The following CHPT1 variants were observed in gnomAD, a reference collection of about 807,000 sequenced individuals.
CHPT1 encodes choline phosphotransferase 1, also known as cholinephosphotransferase 1.
CHPT1 carries 36 observed loss-of-function variants against 47.6 expected under a neutral mutation model. That is an observed-to-expected ratio of 0.76 (90% CI 0.58 to 1.00). The LOEUF (loss-of-function observed/expected upper bound fraction) is 1.00. CHPT1 is among the 50% of genes least tolerant of loss of function. The probability of loss-of-function intolerance (pLI) is 0.00; values close to 1 mark genes in which losing one functional copy is unlikely to be tolerated. For synonymous variants in CHPT1, 194 were observed against 186.3 expected, an observed-to-expected ratio of 1.04 and a Z score of -0.33; for missense variants, 458 against 498.1, an observed-to-expected ratio of 0.92 and a Z score of 0.77.
At chr12:101,711,588 A>T (rs973851818) in intron 1 of CHPT1, among the ~76,000 whole-genome samples, 1 of 148,428 alleles carries the variant, frequency 6.7e-6, no homozygotes, top group Non-Finnish European at 1.5e-5. Context: ...TTGCAAGATG[A>T]GCAGGTCTAG....
rs1245124450 is a variant in CHPT1 at position 101,720,185 on chromosome 12, A to G, written c.711A>G (p.Ile237Met). The part of the protein sequence containing the change: ...LPVLGFLGGV[I>M]FSCSNYFHVI... ...TTCTTGGATTTCTAGGTGGAGTAAT[A>G]TTTTCCTGTTCAAATTATTTCCATG... Residue 237 changes from isoleucine (I) to methionine (M), a missense_variant, in exon 5 of 9, where the codon ATA becomes ATG. By Grantham distance (10) the Ile-to-Met change is conservative. Transcript: ENST00000229266. 4.4e-6 allele frequency: 7 copies of G among 1,603,976 alleles called. No individual in the cohort carries two copies. The Admixed American group carries it at 6.8e-5, about 16-fold the overall frequency.
Position 101,714,486 on chromosome 12 carries a change from A to T in CHPT1, c.422-18A>T, listed in dbSNP as rs117690885. 0.023 allele frequency: 36,271 copies of T among 1,583,834 alleles called. 542 individuals are homozygous for T. The highest frequency in any genetic ancestry group is 0.027 in the Non-Finnish European group (31,941 of 1,168,608). Reference sequence around the variant, plus strand: ...TTATTTTTAATTCTTAATGATTCTTAAACTTTGTTTCTTTCAGTATTTATG... The same window carrying T: ...TTATTTTTAATTCTTAATGATTCTTTAACTTTGTTTCTTTCAGTATTTATG... On this transcript the variant is annotated intron_variant, in intron 2 of 8. Coordinates refer to ENST00000229266, the MANE Select transcript of CHPT1 (RefSeq NM_020244.3).
rs995184310 is a variant in CHPT1 at position 101,714,815 on chromosome 12, G to T, written c.563+170G>T. The T allele has an allele frequency of 1.7e-4, 78 of 466,372 alleles. 1 individual carries two copies. In the Middle Eastern group the frequency reaches 2.3e-3, roughly 14 times the overall value. 28.9% of individuals were successfully genotyped at this position (466,372 alleles called of 1,614,324 possible). A position where few individuals can be genotyped will look rare whatever the true frequency, so the allele number is the denominator to read the frequency against. ...CTTAAGTCTTTTAGGTACTCTGCAT[G>T]TTATAAATAGTTACATTATTTGATA... On this transcript the variant is annotated intron_variant, in intron 3 of 8. Coordinates refer to ENST00000229266, the MANE Select transcript of CHPT1 (RefSeq NM_020244.3).
intron 7 of CHPT1, among the ~76,000 whole-genome samples, chr12:101,726,066 C>T (rs1312216948): frequency 6.6e-6 from 1 of 152,002 alleles, no homozygotes; most frequent in East Asian, 1.9e-4. Context: ...GTATTTTAGT[C>T]GTCTTTTTTA....
Position 101,714,597 on chromosome 12 carries a change from A to C in CHPT1, c.515A>C (p.Tyr172Ser). The C allele has an allele frequency of 6.2e-7, 1 of 1,611,410 alleles. No homozygotes were observed. The highest frequency in any genetic ancestry group is 8.5e-7 in the Non-Finnish European group (1 of 1,178,922). Reference sequence around the variant, plus strand: ...TCTTTTATTGGGATGTTTGTGTTTTATTGCGCTCATTGGCAGACTTATGTT... The same window carrying C: ...TCTTTTATTGGGATGTTTGTGTTTTCTTGCGCTCATTGGCAGACTTATGTT... The part of the protein sequence containing the change: ...FCSFIGMFVF[Y>S]CAHWQTYVSG... The change falls in exon 3 of 9, where the codon TAT (tyrosine) becomes TCT (serine). Residue 172 changes from tyrosine (Y) to serine (S), a missense_variant. Physicochemically the swap from Tyr to Ser is moderately radical, Grantham distance 144 (BLOSUM62 -2). Coordinates refer to ENST00000229266, the MANE Select transcript of CHPT1 (RefSeq NM_020244.3).
intron 1 of CHPT1, among the ~76,000 whole-genome samples, chr12:101,703,254 T>G (rs1489316360): frequency 6.6e-6 from 1 of 152,168 alleles, no homozygotes; most frequent in Non-Finnish European, 1.5e-5. Flanking sequence ...GGGAATTCTC[T>G]TCACACCCCT....
At chr12:101,717,156 C>A in intron 4 of CHPT1, 3 of 370,246 alleles carry the variant, frequency 8.1e-6, no homozygotes, top group African/African-American at 2.1e-5. Context: ...AAAAATAAAT[C>A]CAGTAAAATG....
rs1951733157 is a variant in CHPT1, at chr12:101,714,257, TATTTTTTTATGATACCTTA to T, written c.421+22_421+40del. On this transcript the variant is annotated intron_variant, in intron 2 of 8. Coordinates refer to ENST00000229266, the MANE Select transcript of CHPT1 (RefSeq NM_020244.3). ...CCACAGGTAAATTAGTGGAGTTTTT[TATTTTTTTATGATACCTTA>T]AAAATAAAATGAACTGAGCTGTTTG... The T allele has an allele frequency of 6.5e-7, 1 of 1,541,622 alleles. No individual in the cohort carries two copies. Among genetic ancestry groups the T allele is most frequent in the Non-Finnish European group, 8.7e-7 (1 of 1,149,410 alleles).
At chr12:101,716,415 C>A (rs1377681470) in intron 3 of CHPT1, among the ~76,000 whole-genome samples, 1 of 152,106 alleles carries the variant, frequency 6.6e-6, no homozygotes, top group East Asian at 1.9e-4. Flanking sequence ...GAAAAAACTT[C>A]AGACTTTACA....
chr12:101,718,419 A>T (rs1951796590), intron 4 of CHPT1, among the ~76,000 whole-genome samples: 1 of 152,166 alleles, frequency 6.6e-6, no homozygotes, highest in Non-Finnish European at 1.5e-5. Flanking sequence ...CTAAAAAATT[A>T]AGTCCATTAA....
intron 8 of CHPT1, 24 bp downstream of exon 8, chr12:101,726,428 AAT>A (rs1257062359): frequency 1.3e-6 from 2 of 1,593,982 alleles, no homozygotes; most frequent in South Asian, 2.2e-5. Context: ...TTGACTGACT[AAT>A]AGCCCAAGGA....
intron 1 of CHPT1, among the ~76,000 whole-genome samples, chr12:101,704,676 C>T (rs1386893419): frequency 2.1e-5 from 3 of 140,798 alleles, no homozygotes; most frequent in South Asian, 2.4e-4. Flanking sequence ...GCTGGGATTA[C>T]AGGCATGAGC....
chr12:101,717,182 T>C lies in CHPT1; in HGVS notation c.648+370T>C, dbSNP rs1951776747. On this transcript the variant is annotated intron_variant, in intron 4 of 8. Coordinates refer to ENST00000229266, the MANE Select transcript of CHPT1 (RefSeq NM_020244.3). Reference sequence around the variant, plus strand: ...CAGTAAAATGTTTTACATTTAAAACTTGTCACTCAATATTAGGAAAGTAGT... The same window carrying C: ...CAGTAAAATGTTTTACATTTAAAACCTGTCACTCAATATTAGGAAAGTAGT... 2.9e-5 allele frequency: 12 copies of C among 410,670 alleles called. 1 individual carries two copies. Among genetic ancestry groups the C allele is most frequent in the South Asian group, 2.2e-4 (12 of 55,286 alleles). 25.4% of individuals were successfully genotyped at this position (410,670 alleles called of 1,614,324 possible).
intron 8 of CHPT1, 110 bp from the exon 9 acceptor site, chr12:101,728,791 G>A: frequency 8.0e-7 from 1 of 1,243,730 alleles, no homozygotes; most frequent in Middle Eastern, 2.7e-4. Flanking sequence ...TAACAGAAAG[G>A]GAGGTCTTAC....
rs762152223 is a variant in CHPT1, at chr12:101,726,352, G to A, written c.1124G>A (p.Arg375Lys). 3.7e-6 allele frequency: 6 copies of A among 1,613,170 alleles called. No individual in the cohort carries two copies. In the South Asian group the frequency reaches 5.5e-5, roughly 15 times the overall value. Reference protein sequence around the residue: ...YFSALCLQISRHLHLNIFKTA... With the variant: ...YFSALCLQISKHLHLNIFKTA... Reference sequence around the variant, plus strand: ...AGTGCTTTGTGCCTGCAAATTTCAAGACACCTTCATCTAAATATATTCAAG... The same window carrying A: ...AGTGCTTTGTGCCTGCAAATTTCAAAACACCTTCATCTAAATATATTCAAG... The change falls in exon 8 of 9, where the codon AGA becomes AAA. Residue 375 changes from arginine (R) to lysine (K), a missense_variant. By Grantham distance (26) the Arg-to-Lys change is conservative. Transcript: ENST00000229266.
chr12:101,699,377 TATG>T (rs1951516846), intron 1 of CHPT1, among the ~76,000 whole-genome samples: 2 of 143,096 alleles, frequency 1.4e-5, no homozygotes, highest in African/African-American at 5.3e-5. Flanking sequence ...GTATGCTTAT[TATG>T]TATTTCTTTT....
intron 1 of CHPT1, among the ~76,000 whole-genome samples, chr12:101,708,272 A>G (rs2137007146): frequency 6.6e-6 from 1 of 152,314 alleles, no homozygotes; most frequent in South Asian, 2.1e-4. Context: ...AATTTCCCAA[A>G]TATGTATTTT....
chr12:101,703,993 A>C (rs1159754948), intron 1 of CHPT1, among the ~76,000 whole-genome samples: 3 of 152,240 alleles, frequency 2.0e-5, no homozygotes, highest in Non-Finnish European at 2.9e-5. Context: ...TCACATATGC[A>C]CAATATGTCT....
intron 1 of CHPT1, among the ~76,000 whole-genome samples, chr12:101,703,087 C>T (rs138962206): frequency 1.3e-5 from 2 of 152,252 alleles, no homozygotes; most frequent in East Asian, 1.9e-4. Flanking sequence ...GTGGATAAAA[C>T]GTGGCATCGT....
Sources: allele counts gnomAD v4.1 joint callset (sites outside exome capture counted in the v4.1 genomes callset), GRCh38; gene constraint gnomAD v4.1.1; transcripts MANE v1.5; gene names NCBI Gene and HGNC (gene_info 2026-07-23, HGNC 2026-07-21).